The following PCDH7 variants were observed in gnomAD, a reference collection of about 807,000 sequenced individuals.
The protein encoded by PCDH7 is protocadherin-7.
Under a neutral mutation model 58.9 loss-of-function variants are expected in PCDH7, and 17 were observed. The observed-to-expected ratio is 0.29, with a 90% CI of 0.20 to 0.43. The LOEUF (loss-of-function observed/expected upper bound fraction) is 0.43, where lower values mean the gene tolerates loss of function less well. Ranked by LOEUF, PCDH7 falls within the 20% of genes least tolerant of loss-of-function variation. The pLI, the probability that PCDH7 is intolerant of heterozygous loss-of-function variation, is 1.00. For missense variants in PCDH7, 1,274 were observed against 1,441.0 expected (o/e 0.88, Z 1.88); for synonymous variants, 664 against 616.4 (o/e 1.08, Z -1.14).
At chr4:30,957,652 A>G (rs1320808866) in intron 3 of PCDH7, among the ~76,000 whole-genome samples, 1 of 152,156 alleles carries the variant, frequency 6.6e-6, no homozygotes, top group East Asian at 1.9e-4. Flanking sequence ...AAGGCACTAT[A>G]CTATCAATGA....
intron 1 of PCDH7, among the ~76,000 whole-genome samples, chr4:30,784,244 G>A (rs377334851): frequency 1.2e-4 from 19 of 152,184 alleles, no homozygotes; most frequent in African/African-American, 4.3e-4. Context: ...TTCCTAAGTA[G>A]TTGTGTATAA....
At chr4:30,803,414 A>G (rs1488351120) in intron 1 of PCDH7, among the ~76,000 whole-genome samples, 2 of 152,006 alleles carry the variant, frequency 1.3e-5, no homozygotes, top group Non-Finnish European at 1.5e-5. Flanking sequence ...CAACAATAAA[A>G]CACCAGCTGC....
chr4:30,885,689 G>A (rs1003355401), intron 1 of PCDH7, among the ~76,000 whole-genome samples: 1 of 152,084 alleles, frequency 6.6e-6, no homozygotes, highest in Admixed American at 6.6e-5. Flanking sequence ...AAAGAACAAA[G>A]CTGGAGGCAT....
At chr4:30,891,481 G>C (rs1738598333) in intron 1 of PCDH7, among the ~76,000 whole-genome samples, 1 of 151,970 alleles carries the variant, frequency 6.6e-6, no homozygotes, top group South Asian at 2.1e-4. Flanking sequence ...CTATAATTAG[G>C]ATACCAGGTT....
chr4:31,063,936 G>A (rs1757890238), intron 3 of PCDH7, among the ~76,000 whole-genome samples: 1 of 151,918 alleles, frequency 6.6e-6, no homozygotes, highest in African/African-American at 2.4e-5. Context: ...AACTGGAGAA[G>A]ACAGTCAACC....
At chr4:31,022,818 C>T (rs185198308) in intron 3 of PCDH7, among the ~76,000 whole-genome samples, 42 of 152,156 alleles carry the variant, frequency 2.8e-4, no homozygotes, top group Admixed American at 2.7e-3. Context: ...AAAGCTTACA[C>T]ATAGGGGTAG....
At chr4:30,724,107 C>G in exon 1 of PCDH7, 1 of 1,613,938 alleles carries the variant, frequency 6.2e-7, no homozygotes, top group Non-Finnish European at 8.5e-7. Context: ...TTCTAATCAT[C>G]TTAATTGTAG....
chr4:31,056,510 A>AAGGG (rs1757243038), intron 3 of PCDH7, among the ~76,000 whole-genome samples: 1 of 111,796 alleles, frequency 8.9e-6, no homozygotes, highest in Non-Finnish European at 1.8e-5. Flanking sequence ...AGAAAGAAAG[A>AAGGG]AAGAAAGGGG....
At chr4:30,876,349 A>T (rs1021092898) in intron 1 of PCDH7, among the ~76,000 whole-genome samples, 1 of 152,118 alleles carries the variant, frequency 6.6e-6, no homozygotes, top group South Asian at 2.1e-4. Flanking sequence ...GAGAAGTTAA[A>T]ATGACTGTTC....
At chr4:30,994,710 C>A (rs1454096278) in intron 3 of PCDH7, among the ~76,000 whole-genome samples, 1 of 152,020 alleles carries the variant, frequency 6.6e-6, no homozygotes, top group Admixed American at 6.6e-5. Context: ...AAAGTCAAAG[C>A]ATATAAACTT....
At chr4:31,145,183 G>A (rs1237635707), downstream of PCDH7, 1 of 151,654 alleles carries the variant, frequency 6.6e-6, no homozygotes, top group Non-Finnish European at 1.5e-5. Context: ...CGGATTAATT[G>A]GATCCACATT....
At position 31,120,424 on chromosome 4, in the gene PCDH7, T is replaced by G. The variant is rs183358952; in HGVS notation, c.*8-22049T>G. On this transcript the variant is annotated intron_variant, in intron 3 of 3. Transcript: ENST00000509759. Reference sequence around the variant, plus strand: ...CCTTTCAGTCTTGTCTTTCGTTGTTTTTCTTTCTATTTTTTTCTTTTTTTT... The same window carrying G: ...CCTTTCAGTCTTGTCTTTCGTTGTTGTTCTTTCTATTTTTTTCTTTTTTTT... Among the ~76,000 whole-genome samples the G allele has an allele frequency of 9.1e-3, 1,210 of 133,278 alleles. 16 individuals are homozygous for G. The highest frequency in any genetic ancestry group is 0.013 in the Non-Finnish European group (818 of 63,624). 87.4% of individuals were successfully genotyped at this position (133,278 alleles called of 152,430 possible). A position where few individuals can be genotyped will look rare whatever the true frequency, so the allele number is the denominator to read the frequency against.
At chr4:30,744,245 C>A (rs1460069831) in intron 1 of PCDH7, among the ~76,000 whole-genome samples, 2 of 152,006 alleles carry the variant, frequency 1.3e-5, no homozygotes, top group Non-Finnish European at 2.9e-5. Flanking sequence ...ATTGAAAAAA[C>A]CATAAAGGAC....
intron 1 of PCDH7, among the ~76,000 whole-genome samples, chr4:30,758,379 T>C (rs1719585145): frequency 6.6e-6 from 1 of 152,180 alleles, no homozygotes; most frequent in Non-Finnish European, 1.5e-5. Flanking sequence ...TGCATGGTTT[T>C]ACCCTAAGTG....
Position 30,759,675 on chromosome 4 carries a change from G to A in PCDH7, c.70+35079G>A, listed in dbSNP as rs181925571. ...ACATTATAAATAAATATATTGAAAT[G>A]TATAAAATACAGCATATATATACAC... On this transcript the variant is annotated intron_variant, in intron 1 of 3. Transcript: ENST00000509759. Among the ~76,000 whole-genome samples, 178 of 152,056 alleles carry A rather than the reference G, an allele frequency of 1.2e-3. 2 individuals are homozygous for A. Among genetic ancestry groups the A allele is most frequent in the Non-Finnish European group, 4.6e-4 (31 of 67,984 alleles).
intron 1 of PCDH7, among the ~76,000 whole-genome samples, chr4:30,905,299 G>A (rs1376893110): frequency 2.0e-5 from 3 of 151,894 alleles, no homozygotes; most frequent in Admixed American, 6.6e-5. Flanking sequence ...CTTCAGCATT[G>A]CTCCCTTGAA....
chr4:31,123,934 C>T (rs547785132), intron 3 of PCDH7, among the ~76,000 whole-genome samples: 1 of 152,256 alleles, frequency 6.6e-6, no homozygotes, highest in African/African-American at 2.4e-5. Flanking sequence ...CAACCTTAGT[C>T]TCCAATGTCC....
intron 1 of PCDH7, among the ~76,000 whole-genome samples, chr4:30,764,261 A>G (rs1720410917): frequency 6.6e-6 from 1 of 152,162 alleles, no homozygotes; most frequent in African/African-American, 2.4e-5. Context: ...TAGTATTTGT[A>G]ATGATAATGA....
chr4:30,835,491 C>T (rs556874561), intron 1 of PCDH7, among the ~76,000 whole-genome samples: 39 of 152,236 alleles, frequency 2.6e-4, no homozygotes, highest in African/African-American at 9.1e-4. Flanking sequence ...CACCAGCCTT[C>T]GTTCGAGGAA....
Sources: gnomAD v4.1 joint callset for allele counts (sites outside exome capture counted in the v4.1 genomes callset) on GRCh38, gnomAD v4.1.1 for gene constraint, MANE v1.5 for transcripts, NCBI Gene and HGNC (gene_info 2026-07-23, HGNC 2026-07-21) for gene names.